The following GRM5 variants were observed in gnomAD, a reference collection of about 807,000 sequenced individuals.
GRM5 encodes metabotropic glutamate receptor 5.
Under a neutral mutation model 83.1 loss-of-function variants are expected in GRM5, and 19 were observed. That is an observed-to-expected ratio of 0.23 (90% CI 0.16 to 0.34). GRM5 has a LOEUF of 0.34. GRM5 is among the 10% of genes least tolerant of loss of function. The pLI is 1.00. For synonymous variants in GRM5, 675 were observed against 633.6 expected, an observed-to-expected ratio of 1.07 and a Z score of -0.98; for missense variants, 1,160 against 1,588.3, an observed-to-expected ratio of 0.73 and a Z score of 4.58.
At chr11:88,917,661 C>A (rs917618957) in intron 2 of GRM5, among the ~76,000 whole-genome samples, 20 of 151,970 alleles carry the variant, frequency 1.3e-4, no homozygotes, top group African/African-American at 4.8e-4. Context: ...AAAACTCAAG[C>A]AGAAATTCTG....
At chr11:88,797,694 T>G (rs952759811) in intron 3 of GRM5, among the ~76,000 whole-genome samples, 3 of 152,300 alleles carry the variant, frequency 2.0e-5, no homozygotes, top group East Asian at 1.9e-4. Flanking sequence ...ATTTGTTGGA[T>G]TCTCTTACCT....
At chr11:88,590,183 G>T (rs754879654) in intron 7 of GRM5, among the ~76,000 whole-genome samples, 14 of 152,166 alleles carry the variant, frequency 9.2e-5, no homozygotes, top group Non-Finnish European at 1.9e-4. Flanking sequence ...CAGAAGAAAA[G>T]AACTTTAGAT....
At chr11:88,802,860 C>T (rs1943425732) in intron 3 of GRM5, among the ~76,000 whole-genome samples, 2 of 151,846 alleles carry the variant, frequency 1.3e-5, no homozygotes, top group African/African-American at 2.4e-5. Context: ...AATCAATATA[C>T]AAAAATCACA....
intron 9 of GRM5, among the ~76,000 whole-genome samples, chr11:88,522,112 C>A (rs895807649): frequency 1.3e-5 from 2 of 152,114 alleles, no homozygotes; most frequent in African/African-American, 4.8e-5. Context: ...TCAATAATGG[C>A]CACAGAGGAG....
At chr11:88,648,768 C>G (rs1036492448) in intron 4 of GRM5, among the ~76,000 whole-genome samples, 4 of 151,484 alleles carry the variant, frequency 2.6e-5, no homozygotes, top group Admixed American at 6.6e-5. Context: ...TGGCCTTTTC[C>G]TGAAGATATA....
chr11:89,036,529 T>C (rs1941389918), intron 2 of GRM5, among the ~76,000 whole-genome samples: 1 of 152,098 alleles, frequency 6.6e-6, no homozygotes, highest in Non-Finnish European at 1.5e-5. Flanking sequence ...GTGCCAAGCT[T>C]GATACTAAGT....
At chr11:88,769,362 A>G (rs945551073) in intron 3 of GRM5, among the ~76,000 whole-genome samples, 2 of 132,386 alleles carry the variant, frequency 1.5e-5, no homozygotes, top group Non-Finnish European at 3.3e-5. Flanking sequence ...TTATACACAC[A>G]TTTATTTCTT....
chr11:88,854,281 GC>G (rs1241875576), intron 2 of GRM5, among the ~76,000 whole-genome samples: 1 of 151,520 alleles, frequency 6.6e-6, no homozygotes, highest in African/African-American at 2.4e-5. Context: ...TAAAATAATT[GC>G]CCAACTATGT....
intron 4 of GRM5, among the ~76,000 whole-genome samples, chr11:88,627,489 T>A (rs992286219): frequency 1.3e-5 from 2 of 152,174 alleles, no homozygotes; most frequent in African/African-American, 2.4e-5. Flanking sequence ...GCACCAGGGA[T>A]TCTTCATTAC....
At chr11:88,847,299 G>GT (rs531226512) in intron 3 of GRM5, among the ~76,000 whole-genome samples, 114 of 152,124 alleles carry the variant, frequency 7.5e-4, no homozygotes, top group African/African-American at 2.7e-3. Context: ...AATAATTATT[G>GT]TTTTTTTGCT....
chr11:88,815,663 G>A (rs1291404701), intron 3 of GRM5, among the ~76,000 whole-genome samples: 1 of 152,120 alleles, frequency 6.6e-6, no homozygotes, highest in Non-Finnish European at 1.5e-5. Flanking sequence ...AGGTGATAGA[G>A]GAAACAAAGA....
intron 7 of GRM5, among the ~76,000 whole-genome samples, chr11:88,589,029 A>C (rs1326898492): frequency 6.6e-6 from 1 of 152,208 alleles, no homozygotes; most frequent in Non-Finnish European, 1.5e-5. Context: ...AACATGAGAC[A>C]AAAAGTTACA....
chr11:88,834,658 A>G (rs1944059192), intron 3 of GRM5, among the ~76,000 whole-genome samples: 1 of 152,170 alleles, frequency 6.6e-6, no homozygotes, highest in Non-Finnish European at 1.5e-5. Context: ...TAATAATTTG[A>G]CTTTTCCTAA....
At chr11:88,978,440 C>T (rs1335511360) in intron 2 of GRM5, among the ~76,000 whole-genome samples, 2 of 102,654 alleles carry the variant, frequency 1.9e-5, no homozygotes, top group Non-Finnish European at 4.0e-5. Flanking sequence ...GACCACACAT[C>T]AAATACAGTA....
In GRM5 at chr11:88,558,203, A is replaced by AT. The variant is rs557583395; in HGVS notation, c.2630+8849dup. On this transcript the variant is annotated intron_variant, in intron 8 of 9. Transcript: ENST00000305447. ...TGGGAAGCATAAGGATCCTTTGCCTATTTCATTTCACTTCAGATTAGGCAC... is the reference window on the plus strand; with the variant it reads ...TGGGAAGCATAAGGATCCTTTGCCTATTTTCATTTCACTTCAGATTAGGCAC... Among the ~76,000 whole-genome samples, 23 of 152,210 alleles carry AT rather than the reference A, an allele frequency of 1.5e-4. 1 individual carries two copies. In the South Asian group the frequency reaches 4.6e-3, roughly 30 times the overall value.
intron 2 of GRM5, among the ~76,000 whole-genome samples, chr11:88,936,738 A>G (rs531247961): frequency 6.6e-6 from 1 of 151,924 alleles, no homozygotes; most frequent in South Asian, 2.1e-4. Context: ...AATATCATTA[A>G]CCCATTTATT....
At chr11:88,644,847 A>G (rs1453615116) in intron 4 of GRM5, among the ~76,000 whole-genome samples, 1 of 152,048 alleles carries the variant, frequency 6.6e-6, no homozygotes, top group African/African-American at 2.4e-5. Flanking sequence ...AGTGGCAAAA[A>G]GCTTGTAGAG....
At chr11:88,641,110 A>C (rs996656983) in intron 4 of GRM5, among the ~76,000 whole-genome samples, 5 of 152,052 alleles carry the variant, frequency 3.3e-5, no homozygotes, top group African/African-American at 7.2e-5. Flanking sequence ...AGGCCTCAGG[A>C]AGCTTTTACT....
At chr11:88,638,996 T>G (rs1203680295) in intron 4 of GRM5, among the ~76,000 whole-genome samples, 1 of 152,176 alleles carries the variant, frequency 6.6e-6, no homozygotes, top group East Asian at 1.9e-4. Context: ...ATTATTTACT[T>G]TTTCTACTTA....
Sources: gnomAD v4.1 joint callset for allele counts (sites outside exome capture counted in the v4.1 genomes callset) on GRCh38, gnomAD v4.1.1 for gene constraint, MANE v1.5 for transcripts, NCBI Gene and HGNC (gene_info 2026-07-23, HGNC 2026-07-21) for gene names.